The following EPB41L4A variants were observed in gnomAD, a reference collection of about 807,000 sequenced individuals.
EPB41L4A encodes the protein band 4.1-like protein 4A.
A neutral mutation model predicts 108.6 loss-of-function variants in EPB41L4A; 100 were observed. That is an observed-to-expected ratio of 0.92 (90% CI 0.78 to 1.09). The LOEUF (loss-of-function observed/expected upper bound fraction) is 1.09, where lower values mean the gene tolerates loss of function less well. EPB41L4A is among the 50% of genes least tolerant of loss of function. The pLI, the probability that EPB41L4A is intolerant of heterozygous loss-of-function variation, is 0.00. For missense variants in EPB41L4A, 1,030 were observed against 842.7 expected, an observed-to-expected ratio of 1.22 and a Z score of -2.75; for synonymous variants, 319 against 289.0, an observed-to-expected ratio of 1.10 and a Z score of -1.05.
chr5:112,357,096 C>T (rs1057426697), intron 1 of EPB41L4A, among the ~76,000 whole-genome samples: 4 of 152,156 alleles, frequency 2.6e-5, no homozygotes, highest in Non-Finnish European at 5.9e-5. Flanking sequence ...CTACCCCACT[C>T]GGTCTTGTGA....
At chr5:112,385,390 G>A (rs1760444972) in intron 1 of EPB41L4A, among the ~76,000 whole-genome samples, 1 of 150,844 alleles carries the variant, frequency 6.6e-6, no homozygotes, top group Non-Finnish European at 1.5e-5. Flanking sequence ...CTGGTAACAA[G>A]TTTTTAATCA....
chr5:112,165,247 A>T, intron 22 of EPB41L4A, 129 bp from the exon 23 acceptor site: 1 of 686,922 alleles, frequency 1.5e-6, no homozygotes, highest in Non-Finnish European at 2.4e-6. Context: ...TCATAATACC[A>T]AAAGCTATTC....
At chr5:112,380,404 G>A (rs1019531530) in intron 1 of EPB41L4A, among the ~76,000 whole-genome samples, 2 of 151,956 alleles carry the variant, frequency 1.3e-5, no homozygotes, top group Non-Finnish European at 1.5e-5. Context: ...ATATTCTACA[G>A]AATTAACATT....
intron 1 of EPB41L4A, among the ~76,000 whole-genome samples, chr5:112,391,156 C>T (rs10069313): frequency 0.14 from 21,399 of 152,058 alleles, 4,220 homozygotes; most frequent in African/African-American, 0.44. Context: ...AAAACTAGAG[C>T]GCCTCTTCTC....
chr5:112,411,797 G>A (rs534075215), intron 1 of EPB41L4A, among the ~76,000 whole-genome samples: 7 of 152,328 alleles, frequency 4.6e-5, no homozygotes, highest in South Asian at 4.1e-4. Flanking sequence ...CAGGAGCAGC[G>A]AGGATGGCAG....
chr5:112,288,689 C>A (rs1399573426), intron 2 of EPB41L4A, among the ~76,000 whole-genome samples: 1 of 152,164 alleles, frequency 6.6e-6, no homozygotes, highest in Non-Finnish European at 1.5e-5. Flanking sequence ...ATGCATGTTC[C>A]ACCACTGTAT....
chr5:112,406,919 A>G (rs1397927497), intron 1 of EPB41L4A, among the ~76,000 whole-genome samples: 10 of 152,082 alleles, frequency 6.6e-5, no homozygotes, highest in Non-Finnish European at 1.3e-4. Context: ...ACTTTCCATC[A>G]TAACTGAAAC....
chr5:112,320,599 CAT>C (rs1293823741), intron 1 of EPB41L4A, among the ~76,000 whole-genome samples: 1 of 152,166 alleles, frequency 6.6e-6, no homozygotes, highest in Admixed American at 6.5e-5. Context: ...AGTTATCCCA[CAT>C]GAGAGATAAA....
intron 1 of EPB41L4A, among the ~76,000 whole-genome samples, chr5:112,393,186 G>T (rs1017940949): frequency 6.6e-6 from 1 of 152,000 alleles, no homozygotes; most frequent in South Asian, 2.1e-4. Context: ...AAGAACTAGA[G>T]AAGCAAGAGC....
intron 1 of EPB41L4A, among the ~76,000 whole-genome samples, chr5:112,311,263 G>A (rs946271663): frequency 1.3e-5 from 2 of 152,134 alleles, no homozygotes; most frequent in Non-Finnish European, 2.9e-5. Flanking sequence ...AGTATCCCAA[G>A]TAAAAATCCT....
Position 112,168,782 on chromosome 5 carries a change from C to T in EPB41L4A, c.1889G>A (p.Arg630His), listed in dbSNP as rs7703522. The T allele has an allele frequency of 0.68, 1,100,216 of 1,612,568 alleles. 382,889 individuals carry two copies. The highest frequency in any genetic ancestry group is 1 in the East Asian group (44,807 of 44,884). The change falls in exon 22 of 23, where the codon CGT becomes CAT. Residue 630 changes from arginine to histidine, a missense_variant. Coordinates refer to ENST00000261486, the MANE Select transcript of EPB41L4A (RefSeq NM_022140.5). ...CCCAGAACCCTGAGCATCCGAAGAA[C>T]GGGTCACCGGAAGTGGTGGTACAAG... is the stretch of plus-strand genomic sequence containing the variant. ...TDLVPPLPVT[R>H]SSDAQGSGDA...
chr5:112,275,076 A>G (rs1367551195), intron 4 of EPB41L4A, among the ~76,000 whole-genome samples: 2 of 152,220 alleles, frequency 1.3e-5, no homozygotes, highest in Non-Finnish European at 1.5e-5. Context: ...TGATACAGAA[A>G]TATTTCATCA....
intron 18 of EPB41L4A, among the ~76,000 whole-genome samples, chr5:112,182,062 A>T (rs1761184924): frequency 6.6e-6 from 1 of 152,038 alleles, no homozygotes; most frequent in Non-Finnish European, 1.5e-5. Context: ...GACAGAGAAA[A>T]AAAAAAAAGA....
At position 112,243,294 on chromosome 5, in the gene EPB41L4A, TTG is replaced by T. The variant is rs1463322420; in HGVS notation, c.796-2486_796-2485del. Among the ~76,000 whole-genome samples, 255 of 149,482 alleles carry T rather than the reference TTG, an allele frequency of 1.7e-3. 3 individuals carry two copies. The highest frequency in any genetic ancestry group is 5.2e-3 in the Admixed American group (78 of 14,978). On this transcript the variant is annotated intron_variant, in intron 9 of 22. Coordinates refer to ENST00000261486, the MANE Select transcript of EPB41L4A (RefSeq NM_022140.5). Reference sequence around the variant, plus strand: ...GTGTGTGTATATATATATATATATTTTGTTTGTTTGTTTGTTTCCTAAGCCAT... The same window carrying T: ...GTGTGTGTATATATATATATATATTTTTTGTTTGTTTGTTTCCTAAGCCAT...
intron 2 of EPB41L4A, among the ~76,000 whole-genome samples, chr5:112,297,962 C>T (rs867031630): frequency 2.2e-4 from 33 of 152,226 alleles, no homozygotes; most frequent in Middle Eastern, 3.4e-3. Context: ...TTTCTGGGCT[C>T]TCTATTCTAT....
intron 1 of EPB41L4A, among the ~76,000 whole-genome samples, chr5:112,397,069 T>G (rs1403676127): frequency 1.3e-5 from 2 of 152,174 alleles, no homozygotes; most frequent in African/African-American, 4.8e-5. Flanking sequence ...AGGTAATTTA[T>G]CAGGCCTCAC....
chr5:112,319,318 G>T (rs1755620115), intron 1 of EPB41L4A, among the ~76,000 whole-genome samples: 1 of 152,122 alleles, frequency 6.6e-6, no homozygotes, highest in Non-Finnish European at 1.5e-5. Flanking sequence ...AAATCTATGA[G>T]TCCAAGTGAA....
chr5:112,296,448 C>A (rs1002497568), intron 2 of EPB41L4A, among the ~76,000 whole-genome samples: 1 of 151,778 alleles, frequency 6.6e-6, no homozygotes, highest in African/African-American at 2.4e-5. Flanking sequence ...AAGAAAAACC[C>A]AACTGAATGG....
At chr5:112,410,907 AGG>A (rs2112809716) in intron 1 of EPB41L4A, among the ~76,000 whole-genome samples, 1 of 152,306 alleles carries the variant, frequency 6.6e-6, no homozygotes, top group East Asian at 1.9e-4. Context: ...CTACCACCTG[AGG>A]ATGGCACTGG....
Sources: gnomAD v4.1 joint callset for allele counts (sites outside exome capture counted in the v4.1 genomes callset) on GRCh38, gnomAD v4.1.1 for gene constraint, MANE v1.5 for transcripts, NCBI Gene and HGNC (gene_info 2026-07-23, HGNC 2026-07-21) for gene names.